Variants in LHX6 observed in about 807,000 individuals in gnomAD.
LHX6 encodes LIM homeobox 6.
A neutral mutation model predicts 47.1 loss-of-function variants in LHX6; 15 were observed. The observed-to-expected ratio is 0.32, with a 90% CI of 0.21 to 0.49. The LOEUF (loss-of-function observed/expected upper bound fraction) is 0.49. LHX6 is among the 20% of genes least tolerant of loss of function. The probability of loss-of-function intolerance (pLI) is 0.99; values close to 1 mark genes in which losing one functional copy is unlikely to be tolerated. For synonymous variants in LHX6, 242 were observed against 233.5 expected (o/e 1.04, Z -0.33); for missense variants, 404 against 539.6 (o/e 0.75, Z 2.49).
chr9:122,224,562 T>A (rs1485061353), intron 4 of LHX6, among the ~76,000 whole-genome samples: 1 of 125,884 alleles, frequency 7.9e-6, no homozygotes, highest in Non-Finnish European at 1.9e-5. Context: ...AGTGCCTGGG[T>A]GGAGGCCCTT....
chr9:122,219,008 G>C (rs1830710746), intron 4 of LHX6, among the ~76,000 whole-genome samples: 1 of 152,150 alleles, frequency 6.6e-6, no homozygotes, highest in African/African-American at 2.4e-5. Flanking sequence ...TTGGGTGTGG[G>C]GGACCAAGAA....
chr9:122,210,217 C>A (rs185758228), intron 8 of LHX6, among the ~76,000 whole-genome samples: 5 of 120,938 alleles, frequency 4.1e-5, no homozygotes, highest in Admixed American at 1.6e-4. Context: ...CGTGCCCGGC[C>A]AATTGTGATG....
chr9:122,217,203 G>C lies in LHX6; in HGVS notation c.547C>G (p.Leu183Val). The C allele has an allele frequency of 6.2e-7, 1 of 1,614,232 alleles. No homozygotes were observed. The highest frequency in any genetic ancestry group is 8.5e-7 in the Non-Finnish European group (1 of 1,180,038). ...CACGAGAAGCAGGCGAAGCAGGCCA[G>C]GTGGTAGGCGTTGCCGCGAGCTCTC... ...VRRARGNAYH[L>V]ACFACFSCKR... is the part of the protein sequence containing the mutation. The change falls in exon 5 of 10, where the codon CTG becomes GTG. Residue 183 changes from leucine to valine, a missense_variant. By Grantham distance (32) the Leu-to-Val change is conservative (BLOSUM62 1). Around this residue, in one of 7 missense-constraint regions of LHX6, gnomAD observed 12 missense variants for 61.9 expected, o/e 0.19. Transcript: ENST00000394319. The surrounding 1 kb of genome is among the most constrained non-coding windows in gnomAD (Gnocchi z 4.9).
chr9:122,220,828 G>A (rs1830821413), intron 4 of LHX6, among the ~76,000 whole-genome samples: 1 of 152,234 alleles, frequency 6.6e-6, no homozygotes, highest in Admixed American at 6.5e-5. Context: ...GGTACTCGTG[G>A]TTATATGAAG....
At chr9:122,221,318 CTCCCCCAACATCTG>C (rs1273012763) in intron 4 of LHX6, 6 of 985,614 alleles carry the variant, frequency 6.1e-6, no homozygotes, top group South Asian at 4.7e-5. Context: ...CCCCTCTCGG[CTCCCCCAACATCTG>C]TCCCCCAACA....
chr9:122,221,500 C>T, intron 4 of LHX6: 2 of 985,650 alleles, frequency 2.0e-6, no homozygotes, highest in Non-Finnish European at 2.4e-6. Context: ...AGGCTAGGGG[C>T]TTGCATGAAG....
At position 122,204,712 on chromosome 9, in the gene LHX6, G is replaced by A. The variant is rs1065351; in HGVS notation, c.*48C>T. ...TTGGACACTGGATCTCAGCGGCTGA[G>A]GGGCAGCTGTGGGGCGCCCACGGGC... is the stretch of plus-strand genomic sequence containing the variant. On this transcript the variant is annotated 3_prime_UTR_variant, in exon 10 of 10. Transcript: ENST00000394319. The A allele has an allele frequency of 1.3e-6, 2 of 1,592,262 alleles. No individual in the cohort carries two copies. Among genetic ancestry groups the A allele is most frequent in the East Asian group, 4.6e-5 (2 of 43,118 alleles).
chr9:122,207,459 T>A (rs1564431872), intron 9 of LHX6, among the ~76,000 whole-genome samples: 1 of 152,340 alleles, frequency 6.6e-6, no homozygotes, highest in East Asian at 1.9e-4. Flanking sequence ...GCCATCTCTA[T>A]GTCCACAAAG....
chr9:122,224,247 G>A (rs1830997937), intron 4 of LHX6, among the ~76,000 whole-genome samples: 2 of 151,998 alleles, frequency 1.3e-5, no homozygotes, highest in African/African-American at 4.8e-5. Flanking sequence ...GGATGGTCTC[G>A]ATCTCCTGAC....
chr9:122,222,158 A>ACAGCAGGCATGATGTTC (rs1260971351), intron 4 of LHX6, among the ~76,000 whole-genome samples: 1 of 152,210 alleles, frequency 6.6e-6, no homozygotes, highest in Non-Finnish European at 1.5e-5. Flanking sequence ...CCCCAACTAT[A>ACAGCAGGCATGATGTTC]CAGCAGGCAT....
At chr9:122,205,694 G>C (rs540109680) in intron 9 of LHX6, among the ~76,000 whole-genome samples, 1 of 152,290 alleles carries the variant, frequency 6.6e-6, no homozygotes, top group Admixed American at 6.5e-5. Context: ...CACCATAATA[G>C]TGATCATGAT....
intron 1 of LHX6, chr9:122,228,078 A>T: frequency 1.7e-6 from 1 of 584,308 alleles, no homozygotes; most frequent in Non-Finnish European, 3.0e-6. Context: ...GTGGTTGAAG[A>T]AAAGAAAACC....
intron 1 of LHX6, 188 bp from the exon 2 acceptor site, chr9:122,227,668 G>A: frequency 7.8e-7 from 1 of 1,281,176 alleles, no homozygotes; most frequent in Admixed American, 3.7e-5. Flanking sequence ...TTTGAATTTG[G>A]ATTGGATTTT....
Position 122,214,895 on chromosome 9 carries a change from T to G in LHX6, c.683-512A>C, listed in dbSNP as rs1830538510. Among the ~76,000 whole-genome samples the G allele has an allele frequency of 6.6e-6, 1 of 152,250 alleles. No individual in the cohort carries two copies. Among genetic ancestry groups the G allele is most frequent in the Non-Finnish European group, 1.5e-5 (1 of 68,042 alleles). Reference sequence around the variant, plus strand: ...GGCAGTGGTTTACTTCCCAGGAATGTGATTATGGAAACTTTTTACTTTCAG... The same window carrying G: ...GGCAGTGGTTTACTTCCCAGGAATGGGATTATGGAAACTTTTTACTTTCAG... On this transcript the variant is annotated intron_variant, in intron 5 of 9. Coordinates refer to ENST00000394319, the MANE Select transcript of LHX6 (RefSeq NM_014368.5). The surrounding 1 kb of genome is among the most constrained non-coding windows in gnomAD (Gnocchi z 4.6).
At position 122,213,560 on chromosome 9, in the gene LHX6, C is replaced by A; in HGVS notation, c.1054+46G>T. 2.0e-6 allele frequency: 3 copies of A among 1,499,498 alleles called. No homozygotes were observed. The highest frequency in any genetic ancestry group is 2.7e-6 in the Non-Finnish European group (3 of 1,127,862). 92.9% of individuals were successfully genotyped at this position (1,499,498 alleles called of 1,614,324 possible). A position where few individuals can be genotyped will look rare whatever the true frequency, so the allele number is the denominator to read the frequency against. On this transcript the variant is annotated intron_variant, in intron 8 of 9. Coordinates refer to ENST00000394319, the MANE Select transcript of LHX6 (RefSeq NM_014368.5). The surrounding 1 kb of genome is among the most constrained non-coding windows in gnomAD (Gnocchi z 5.5). ...AGCCGCCCACGTGCGCTCCTCCGCGCCCCCTCCCCGCAGGCCCAGCGGCTC... is the reference window on the plus strand; with the variant it reads ...AGCCGCCCACGTGCGCTCCTCCGCGACCCCTCCCCGCAGGCCCAGCGGCTC...
chr9:122,228,136 G>T, intron 1 of LHX6: 1 of 629,294 alleles, frequency 1.6e-6, no homozygotes, highest in South Asian at 1.8e-5. Context: ...CACGCGCGGC[G>T]AAATTGAAGC....
At position 122,209,601 on chromosome 9, in the gene LHX6, T is replaced by A; in HGVS notation, c.1158+13A>T. ...TGGCTCTGACCCACCAGACCCAACCTGGCTCCATTTACCTTCTCACCCCGG... is the reference window on the plus strand; with the variant it reads ...TGGCTCTGACCCACCAGACCCAACCAGGCTCCATTTACCTTCTCACCCCGG... On this transcript the variant is annotated intron_variant, in intron 9 of 9. Transcript: ENST00000394319. The A allele has an allele frequency of 6.2e-7, 1 of 1,613,574 alleles. No individual in the cohort carries two copies. The highest frequency in any genetic ancestry group is 8.5e-7 in the Non-Finnish European group (1 of 1,179,548).
At chr9:122,212,667 C>G (rs959762100) in intron 8 of LHX6, among the ~76,000 whole-genome samples, 69 of 152,206 alleles carry the variant, frequency 4.5e-4, no homozygotes, top group African/African-American at 1.7e-3. Context: ...CCTCACTCCT[C>G]CAGGTTCCCG....
chr9:122,224,849 C>T (rs1021011077), intron 4 of LHX6, among the ~76,000 whole-genome samples: 13 of 152,216 alleles, frequency 8.5e-5, no homozygotes, highest in African/African-American at 2.9e-4. Context: ...CCCAGTGATG[C>T]TTTCCCCAGC....
Sources: allele counts gnomAD v4.1 joint callset (sites outside exome capture counted in the v4.1 genomes callset), GRCh38; gene constraint gnomAD v4.1.1; regional missense constraint gnomAD v4.1.1; non-coding constraint Gnocchi (gnomAD v3.1); transcripts MANE v1.5; gene names NCBI Gene and HGNC (gene_info 2026-07-23, HGNC 2026-07-21).